The following SCARA5 variants were observed in gnomAD, a reference collection of about 807,000 sequenced individuals.
SCARA5 encodes scavenger receptor class A, member 5 (putative).
In SCARA5, 45 loss-of-function variants were observed where a neutral mutation model predicts 46.3. The observed-to-expected ratio is 0.97, with a 90% CI of 0.76 to 1.24. SCARA5 has a LOEUF of 1.24. Among genes scored for constraint, SCARA5 ranks in the 50% most tolerant of loss-of-function variants. The probability of loss-of-function intolerance (pLI) is 0.00; values close to 1 mark genes in which losing one functional copy is unlikely to be tolerated. For missense variants in SCARA5, 680 were observed against 689.0 expected (o/e 0.99, Z 0.15); for synonymous variants, 333 against 306.5 (o/e 1.09, Z -0.90).
chr8:27,989,129 C>CTTTTTTTTTTTTTTTTTTTTTTTTTTT lies in SCARA5; in HGVS notation c.-15-1500_-15-1499insAAAAAAAAAAAAAAAAAAAAAAAAAAA, dbSNP rs34929623. Among the ~76,000 whole-genome samples, 8 of 68,312 alleles carry CTTTTTTTTTTTTTTTTTTTTTTTTTTT rather than the reference C, an allele frequency of 1.2e-4. 1 individual carries two copies. The highest frequency in any genetic ancestry group is 1.8e-4 in the African/African-American group (3 of 16,220). The allele number at this position is 68,312 out of a possible 152,430, so 44.8% of individuals were successfully genotyped here. ...TTTTTTTTTTTCTGTTTCTTTCTTT[C>CTTTTTTTTTTTTTTTTTTTTTTTTTTT]TTTTTTTTTTTTTTTTTTTTTTTTG... On this transcript the variant is annotated intron_variant, in intron 1 of 8. Coordinates refer to ENST00000354914, the MANE Select transcript of SCARA5 (RefSeq NM_173833.6).
At chr8:27,926,578 T>G (rs1270427975) in intron 3 of SCARA5, among the ~76,000 whole-genome samples, 2 of 152,164 alleles carry the variant, frequency 1.3e-5, no homozygotes, top group Non-Finnish European at 1.5e-5. Flanking sequence ...ACCCTAGAAC[T>G]TCAAGTATAA....
intron 1 of SCARA5, 80 bp from the exon 2 acceptor site, chr8:27,987,710 A>C (rs1052146396): frequency 1.2e-6 from 1 of 829,262 alleles, no homozygotes; most frequent in African/African-American, 1.7e-5. Context: ...GTGGAAACAG[A>C]AGCAAATGGA....
chr8:27,901,954 A>G (rs1488980585), intron 7 of SCARA5, among the ~76,000 whole-genome samples: 2 of 152,126 alleles, frequency 1.3e-5, no homozygotes, highest in Non-Finnish European at 2.9e-5. Flanking sequence ...AAATGGGGAG[A>G]TGGAGGCTGG....
In SCARA5 at chr8:27,989,895, A is replaced by C. The variant is rs1034919042; in HGVS notation, c.-15-2265T>G. Among the ~76,000 whole-genome samples the C allele has an allele frequency of 2.0e-5, 3 of 152,338 alleles. No homozygotes were observed. The South Asian group carries it at 6.2e-4, about 32-fold the overall frequency. On this transcript the variant is annotated intron_variant, in intron 1 of 8. Transcript: ENST00000354914. Reference sequence around the variant, plus strand: ...TCATTTCATGAGCACTGTGTGCGGCAGCCCTCCCTCTGGCTTCACTCCTTG... The same window carrying C: ...TCATTTCATGAGCACTGTGTGCGGCCGCCCTCCCTCTGGCTTCACTCCTTG...
At chr8:27,935,532 G>A (rs1807840502) in intron 3 of SCARA5, among the ~76,000 whole-genome samples, 1 of 152,192 alleles carries the variant, frequency 6.6e-6, no homozygotes, top group African/African-American at 2.4e-5. Context: ...GGCTCCCAGA[G>A]AAGAGCTGCT....
At chr8:27,929,065 A>G (rs1040187205) in intron 3 of SCARA5, among the ~76,000 whole-genome samples, 1 of 152,234 alleles carries the variant, frequency 6.6e-6, no homozygotes, top group African/African-American at 2.4e-5. Flanking sequence ...AACCATGTAG[A>G]GATTCAAATT....
chr8:27,879,823 A>C (rs374257008), intron 7 of SCARA5, 57 bp from the exon 8 acceptor site: 92 of 1,563,892 alleles, frequency 5.9e-5, no homozygotes, highest in Middle Eastern at 5.2e-4. Context: ...ACCCGCCCCC[A>C]GGGGCCTTCT....
chr8:27,919,563 C>T (rs1213326434), intron 4 of SCARA5, among the ~76,000 whole-genome samples: 2 of 152,050 alleles, frequency 1.3e-5, no homozygotes, highest in African/African-American at 4.8e-5. Context: ...CTTAACACTC[C>T]CCTGACATTG....
At chr8:27,934,370 C>T (rs1378215513) in intron 3 of SCARA5, among the ~76,000 whole-genome samples, 1 of 152,174 alleles carries the variant, frequency 6.6e-6, no homozygotes, top group Non-Finnish European at 1.5e-5. Flanking sequence ...TGGGAGGTCG[C>T]ACTGTTTCAC....
At chr8:27,880,856 G>GAAAAA (rs1806799521) in intron 7 of SCARA5, among the ~76,000 whole-genome samples, 1 of 3,106 alleles carries the variant, frequency 3.2e-4, no homozygotes, top group South Asian at 7.8e-3. Flanking sequence ...CCCTGTCTAA[G>GAAAAA]GAAAAAAAAA....
chr8:27,899,766 T>A lies in SCARA5; in HGVS notation c.1153+5012A>T, dbSNP rs188863827. 1.1e-3 allele frequency among the ~76,000 whole-genome samples: 170 copies of A among 152,364 alleles called. 1 individual carries two copies. The highest frequency in any genetic ancestry group is 4.4e-3 in the Admixed American group (68 of 15,304). On this transcript the variant is annotated intron_variant, in intron 7 of 8. Coordinates refer to ENST00000354914, the MANE Select transcript of SCARA5 (RefSeq NM_173833.6). ...TATTTGGGAGGATCAGACAACATTA[T>A]GCTGTTTCAAGCATGGTTCTCTTTA... is the stretch of plus-strand genomic sequence containing the variant.
At chr8:27,893,465 T>A (rs952729257) in intron 7 of SCARA5, among the ~76,000 whole-genome samples, 19 of 152,122 alleles carry the variant, frequency 1.2e-4, no homozygotes, top group African/African-American at 4.6e-4. Flanking sequence ...AATATATATG[T>A]CAGACAAGCA....
chr8:27,956,765 C>G (rs920665036), intron 3 of SCARA5, among the ~76,000 whole-genome samples: 1 of 152,158 alleles, frequency 6.6e-6, no homozygotes, highest in East Asian at 1.9e-4. Context: ...CTTCCCATCT[C>G]CCTGTGTCTC....
At chr8:27,939,974 C>A (rs1055143424) in intron 3 of SCARA5, among the ~76,000 whole-genome samples, 3 of 152,192 alleles carry the variant, frequency 2.0e-5, no homozygotes, top group African/African-American at 7.2e-5. Context: ...GTATTTTTCT[C>A]CAGTCTGCCT....
intron 4 of SCARA5, among the ~76,000 whole-genome samples, chr8:27,916,317 ATATGTG>A (rs1807459348): frequency 6.6e-6 from 1 of 152,220 alleles, no homozygotes; most frequent in Admixed American, 6.5e-5. Context: ...GTATGTGCAT[ATATGTG>A]TATGTGTATA....
At chr8:27,887,927 G>T (rs1466575291) in intron 7 of SCARA5, among the ~76,000 whole-genome samples, 1 of 152,184 alleles carries the variant, frequency 6.6e-6, no homozygotes, top group Non-Finnish European at 1.5e-5. Context: ...AAACTAAAGA[G>T]AACATCTTAA....
chr8:27,874,375 G>A (rs935414492), intron 8 of SCARA5, among the ~76,000 whole-genome samples: 29 of 152,266 alleles, frequency 1.9e-4, no homozygotes, highest in South Asian at 1.2e-3. Flanking sequence ...TCTCATGTTC[G>A]GCCAGTACAG....
intron 3 of SCARA5, among the ~76,000 whole-genome samples, chr8:27,929,417 G>A (rs1043364296): frequency 6.6e-6 from 1 of 152,186 alleles, no homozygotes; most frequent in Admixed American, 6.5e-5. Flanking sequence ...TGTATGGGAG[G>A]GAAGAAGGAA....
At chr8:27,879,869 G>T (rs1806784597) in intron 7 of SCARA5, 103 bp from the exon 8 acceptor site, 1 of 1,119,468 alleles carries the variant, frequency 8.9e-7, no homozygotes, top group Non-Finnish European at 1.3e-6. Context: ...AGGAAGAGAG[G>T]GCTGGGGCCC....
Sources: allele counts gnomAD v4.1 joint callset (sites outside exome capture counted in the v4.1 genomes callset), GRCh38; gene constraint gnomAD v4.1.1; transcripts MANE v1.5; gene names NCBI Gene and HGNC (gene_info 2026-07-23, HGNC 2026-07-21).